Variants in RTN4 observed in about 807,000 individuals in gnomAD.
RTN4 encodes reticulon 4.
A neutral mutation model predicts 90.4 loss-of-function variants in RTN4; 32 were observed. The observed-to-expected ratio is 0.35, with a 90% CI of 0.27 to 0.48. The LOEUF (loss-of-function observed/expected upper bound fraction) is 0.48. Ranked by LOEUF, RTN4 falls within the 20% of genes least tolerant of loss-of-function variation. The pLI, the probability that RTN4 is intolerant of heterozygous loss-of-function variation, is 0.99. For synonymous variants in RTN4, 629 were observed against 552.5 expected (o/e 1.14, Z -1.94); for missense variants, 1,706 against 1,430.2 (o/e 1.19, Z -3.11).
At chr2:54,975,433 A>G (rs1302090538) in intron 5 of RTN4, among the ~76,000 whole-genome samples, 1 of 152,232 alleles carries the variant, frequency 6.6e-6, no homozygotes, top group Non-Finnish European at 1.5e-5. Flanking sequence ...AGGCTTATGT[A>G]ACACTATAAA....
intron 1 of RTN4, among the ~76,000 whole-genome samples, chr2:55,043,041 C>T (rs1683179663): frequency 6.6e-6 from 1 of 152,292 alleles, no homozygotes; most frequent in Non-Finnish European, 1.5e-5. Flanking sequence ...ATTATCAACT[C>T]CTCCTTTGGG....
chr2:55,128,528 G>T, the RTN4 span, among the ~76,000 whole-genome samples: 4 of 151,946 alleles, frequency 2.6e-5, no homozygotes. Flanking sequence ...TGTCCCCTGG[G>T]GACAGTCCCA....
In RTN4 at chr2:55,105,597, G is replaced by C. The variant is rs181684366; in HGVS notation, c.-214+6923C>G. On this transcript the variant is annotated intron_variant, in intron 1 of 3. Transcript: ENST00000427710. ...TTACTGACCCTTTATCTATTATTAA[G>C]TAATAAATATTTCCCCATTCTCCCT... Among the ~76,000 whole-genome samples the C allele has an allele frequency of 7.2e-5, 11 of 152,142 alleles. 1 individual carries two copies. The highest frequency in any genetic ancestry group is 2.7e-4 in the African/African-American group (11 of 41,442).
the RTN4 span, among the ~76,000 whole-genome samples, chr2:55,117,761 C>T: frequency 6.6e-6 from 1 of 152,082 alleles, no homozygotes; most frequent in Non-Finnish European, 1.5e-5. Flanking sequence ...GGGATGCAAT[C>T]TTTGATGGTA....
upstream of RTN4, among the ~76,000 whole-genome samples, chr2:55,116,875 CTTTTTT>C (rs67265925): frequency 3.9e-5 from 5 of 126,736 alleles, no homozygotes; most frequent in South Asian, 2.4e-4. Flanking sequence ...TCTTTTTTTC[CTTTTTT>C]TTTTTTTTTT....
intron 6 of RTN4, among the ~76,000 whole-genome samples, chr2:54,974,407 G>A: frequency 6.6e-6 from 1 of 152,350 alleles, no homozygotes; most frequent in Middle Eastern, 3.4e-3. Context: ...AGCCTCCGGA[G>A]TAGCTGGGAT....
At chr2:55,005,628 T>C (rs1462513001) in intron 3 of RTN4, among the ~76,000 whole-genome samples, 2 of 152,188 alleles carry the variant, frequency 1.3e-5, no homozygotes, top group Non-Finnish European at 2.9e-5. Context: ...AGACTTATGT[T>C]CAGTTATAAT....
At position 55,070,748 on chromosome 2, in the gene RTN4, T is replaced by TTTGTTGTTGTTG. The variant is rs71410417; in HGVS notation, c.-63+9729_-63+9740dup. 4.2e-3 allele frequency among the ~76,000 whole-genome samples: 629 copies of TTTGTTGTTGTTG among 149,518 alleles called. 1 individual carries two copies. The highest frequency in any genetic ancestry group is 7.2e-3 in the Admixed American group (108 of 14,982). Reference sequence around the variant, plus strand: ...TCAAGGACAAACAGCTGTTTTGATTTTTGTTGTTGTTGTTGTTGTTGTTTG... The same window carrying TTTGTTGTTGTTG: ...TCAAGGACAAACAGCTGTTTTGATTTTTGTTGTTGTTGTTGTTGTTGTTGTTGTTGTTGTTTG... On this transcript the variant is annotated intron_variant, in intron 2 of 3. Coordinates refer to the RTN4 transcript ENST00000427710.
Position 55,078,838 on chromosome 2 carries a change from G to A in RTN4, c.-63+1651C>T, listed in dbSNP as rs1573502675. On this transcript the variant is annotated intron_variant, in intron 2 of 3. Coordinates refer to the RTN4 transcript ENST00000427710. ...AGATTTTGAATATGTGGGTGTTTGT[G>A]GAGGGAGTATTTAAAAGAAAGGATG... 3.9e-5 allele frequency among the ~76,000 whole-genome samples: 6 copies of A among 152,264 alleles called. No individual in the cohort carries two copies. The South Asian group carries it at 1.0e-3, about 26-fold the overall frequency.
At chr2:54,991,211 T>C (rs1243636087) in intron 3 of RTN4, among the ~76,000 whole-genome samples, 1 of 152,200 alleles carries the variant, frequency 6.6e-6, no homozygotes, top group Non-Finnish European at 1.5e-5. Flanking sequence ...GTACTTGCTA[T>C]TTTTTACCAT....
intron 3 of RTN4, among the ~76,000 whole-genome samples, chr2:55,002,894 C>G (rs1165645900): frequency 6.6e-6 from 1 of 152,116 alleles, no homozygotes; most frequent in Non-Finnish European, 1.5e-5. Flanking sequence ...TTGATCAAGA[C>G]CTGCATAAAT....
chr2:55,005,310 A>G (rs1027130379), intron 3 of RTN4, among the ~76,000 whole-genome samples: 1 of 152,204 alleles, frequency 6.6e-6, no homozygotes, highest in East Asian at 1.9e-4. Context: ...GAGTACACAG[A>G]CTTGGGTAAA....
chr2:55,045,489 T>C (rs1018891052), intron 1 of RTN4, among the ~76,000 whole-genome samples: 1 of 152,318 alleles, frequency 6.6e-6, no homozygotes, highest in East Asian at 1.9e-4. Context: ...TTCTAAATAA[T>C]TCATCTGCTT....
intron 1 of RTN4, among the ~76,000 whole-genome samples, chr2:55,086,073 T>C (rs562802982): frequency 1.3e-5 from 2 of 152,332 alleles, no homozygotes; most frequent in South Asian, 2.1e-4. Context: ...CTTCATCACA[T>C]GGACACTGTG....
At chr2:54,999,326 G>A (rs1679684491) in intron 3 of RTN4, among the ~76,000 whole-genome samples, 1 of 152,162 alleles carries the variant, frequency 6.6e-6, no homozygotes. Context: ...ATCTGCCATA[G>A]CTAAAAATAG....
rs145298154 is a variant in RTN4 at position 55,060,155 on chromosome 2, A to C, written c.-63+20334T>G. On this transcript the variant is annotated intron_variant, in intron 2 of 3. Transcript: ENST00000427710. ...GAAAAAAATAGATTGGATTTCTAAC[A>C]ATCTCCCAAAAAACACACAGAATTT... 2.8e-3 allele frequency among the ~76,000 whole-genome samples: 424 copies of C among 152,260 alleles called. 1 individual carries two copies. Among genetic ancestry groups the C allele is most frequent in the African/African-American group, 9.8e-3 (406 of 41,562 alleles).
chr2:55,137,707 G>T, the RTN4 span, among the ~76,000 whole-genome samples: 2 of 152,108 alleles, frequency 1.3e-5, no homozygotes, highest in South Asian at 4.1e-4. Context: ...TACCAGCTCA[G>T]TCTCCCCCAT....
chr2:54,987,392 A>T, intron 4 of RTN4, 99 bp downstream of exon 4: 1 of 921,122 alleles, frequency 1.1e-6, no homozygotes, highest in Non-Finnish European at 1.8e-6. Context: ...CTTTAACAAA[A>T]AAATGCATGC....
chr2:55,108,075 C>A (rs1233348552), intron 1 of RTN4, among the ~76,000 whole-genome samples: 1 of 151,988 alleles, frequency 6.6e-6, no homozygotes, highest in Non-Finnish European at 1.5e-5. Context: ...CCTGCCTCAG[C>A]CTCTCAACTA....
Sources: gnomAD v4.1 joint callset for allele counts (sites outside exome capture counted in the v4.1 genomes callset) on GRCh38, gnomAD v4.1.1 for gene constraint, MANE v1.5 for transcripts, NCBI Gene and HGNC (gene_info 2026-07-23, HGNC 2026-07-21) for gene names.